The following NARS2 variants were observed in gnomAD, a reference collection of about 807,000 sequenced individuals.
The protein encoded by NARS2 is asparaginyl-tRNA synthetase 2, mitochondrial, also known as asparaginyl-tRNA synthetase.
In NARS2, 60 loss-of-function variants were observed where a neutral mutation model predicts 62.9. The observed-to-expected ratio is 0.95, with a 90% CI of 0.77 to 1.18. NARS2 has a LOEUF of 1.18. Ranked by LOEUF, NARS2 falls within the 50% of genes most tolerant of loss-of-function variation. The pLI is 0.00. For synonymous variants in NARS2, 196 were observed against 200.0 expected, an observed-to-expected ratio of 0.98 and a Z score of 0.17; for missense variants, 619 against 576.4, an observed-to-expected ratio of 1.07 and a Z score of -0.76.
In NARS2 at chr11:78,465,888, G is replaced by T. The variant is rs1858598235; in HGVS notation, c.1152C>A (p.Gly384=). ...TATCTCTTCTTACCGTGTGCTGAGGGCCATCTTCATTATCCCTCATGTAGA... is the reference window on the plus strand; with the variant it reads ...TATCTCTTCTTACCGTGTGCTGAGGTCCATCTTCATTATCCCTCATGTAGA... ...KPFYMRDNED[G]PQHTVAAVDL... Residue 384 remains glycine, a synonymous_variant, in exon 11 of 14, where the codon GGC becomes GGA. Coordinates refer to ENST00000281038, the MANE Select transcript of NARS2 (RefSeq NM_024678.6). The T allele has an allele frequency of 1.2e-6, 2 of 1,614,072 alleles. No homozygotes were observed. The highest frequency in any genetic ancestry group is 1.7e-6 in the Non-Finnish European group (2 of 1,179,986).
chr11:78,455,989 T>TA lies in NARS2; in HGVS notation c.1164+9886dup, dbSNP rs536476676. Among the ~76,000 whole-genome samples, 22 of 152,276 alleles carry TA rather than the reference T, an allele frequency of 1.4e-4. No homozygotes were observed. In the East Asian group the frequency reaches 4.0e-3, roughly 28 times the overall value. Reference sequence around the variant, plus strand: ...GGAACGTCAAAAATTTAATCTTTGTTAATCTTTTCTTCCATTTTCCTCTGT... The same window carrying TA: ...GGAACGTCAAAAATTTAATCTTTGTTAAATCTTTTCTTCCATTTTCCTCTGT... On this transcript the variant is annotated intron_variant, in intron 11 of 13. Transcript: ENST00000281038.
chr11:78,453,330 C>T lies in NARS2; in HGVS notation c.1165-9572G>A, dbSNP rs1331489590. Among the ~76,000 whole-genome samples, 3 of 152,094 alleles carry T rather than the reference C, an allele frequency of 2.0e-5. No individual in the cohort carries two copies. In the East Asian group the frequency reaches 5.8e-4, roughly 29 times the overall value. On this transcript the variant is annotated intron_variant, in intron 11 of 13. Transcript: ENST00000281038. ...TGCTTAAGTCACACAGCTGCAGTGG[C>T]ATGCTGTCTAGAAATAGTTTGTGTT...
intron 5 of NARS2, among the ~76,000 whole-genome samples, chr11:78,535,054 A>G (rs1861622283): frequency 1.3e-5 from 2 of 152,360 alleles, no homozygotes; most frequent in South Asian, 4.1e-4. Flanking sequence ...TTCACATATA[A>G]AAGTATTATA....
In NARS2 at chr11:78,566,201, C is replaced by G; in HGVS notation, c.444G>C (p.Arg148Ser). The change falls in exon 4 of 14, where the codon AGG (arginine) becomes AGC (serine). Residue 148 changes from arginine (R) to serine (S), a missense_variant. Arg to Ser is a moderately radical substitution (Grantham distance 110). Coordinates refer to ENST00000281038, the MANE Select transcript of NARS2 (RefSeq NM_024678.6). ...YLRQYPHFRC[R>S]TNVLGSILRI... ...TCAATATAGAACCCAGAACGTTAGT[C>G]CTACACCTAAAGTGAGGATATTGTC... The G allele has an allele frequency of 1.2e-6, 2 of 1,612,972 alleles. No homozygotes were observed. Among genetic ancestry groups the G allele is most frequent in the Non-Finnish European group, 1.7e-6 (2 of 1,179,246 alleles).
intron 3 of NARS2, 139 bp downstream of exon 3, chr11:78,568,493 C>A: frequency 1.9e-6 from 2 of 1,040,102 alleles, no homozygotes; most frequent in Non-Finnish European, 2.7e-6. Context: ...ACTGCCTCTA[C>A]AGGTCATATG....
chr11:78,521,166 CTTTTTT>C (rs965232875), intron 6 of NARS2, among the ~76,000 whole-genome samples: 1 of 135,370 alleles, frequency 7.4e-6, no homozygotes, highest in Non-Finnish European at 1.6e-5. Context: ...CTCTCTCTTT[CTTTTTT>C]TTTTTTTTAA....
At chr11:78,549,911 G>A (rs1856033762) in intron 5 of NARS2, among the ~76,000 whole-genome samples, 1 of 152,054 alleles carries the variant, frequency 6.6e-6, no homozygotes, top group Non-Finnish European at 1.5e-5. Flanking sequence ...ACCTCCTACA[G>A]GCCCAACAAC....
intron 6 of NARS2, among the ~76,000 whole-genome samples, chr11:78,507,048 A>C (rs114534669): frequency 0.016 from 2,393 of 152,118 alleles, 50 homozygotes; most frequent in African/African-American, 0.052. Flanking sequence ...AGTTGGAGAA[A>C]AAAGGATCCT....
intron 11 of NARS2, among the ~76,000 whole-genome samples, chr11:78,451,859 A>C (rs1250329655): frequency 1.3e-5 from 2 of 152,178 alleles, no homozygotes; most frequent in African/African-American, 4.8e-5. Context: ...AGTACTGCAA[A>C]GGTGACTCTG....
intron 6 of NARS2, 126 bp downstream of exon 6, chr11:78,528,716 T>C (rs139363986): frequency 1.5e-6 from 1 of 654,342 alleles, no homozygotes; most frequent in East Asian, 2.8e-5. Context: ...AGCTTAAATA[T>C]TTTGGAAAAT....
At chr11:78,521,124 T>C (rs58790292) in intron 6 of NARS2, among the ~76,000 whole-genome samples, 5,038 of 150,134 alleles carry the variant, frequency 0.034, 303 homozygotes, top group African/African-American at 0.12. Flanking sequence ...GTAAGATAAA[T>C]TGTCAACATT....
rs59917269 is a variant in NARS2, at chr11:78,538,994, C to CAAAAAAAA, written c.595-10066_595-10059dup. On this transcript the variant is annotated intron_variant, in intron 5 of 13. Coordinates refer to ENST00000281038, the MANE Select transcript of NARS2 (RefSeq NM_024678.6). ...TGGGCGACAGAGCGAGAATCCGTCTCAAAAAAAAAAAAAAAAAAAAAAAAA... is the reference window on the plus strand; with the variant it reads ...TGGGCGACAGAGCGAGAATCCGTCTCAAAAAAAAAAAAAAAAAAAAAAAAAAAAAAAAA... Among the ~76,000 whole-genome samples the CAAAAAAAA allele has an allele frequency of 3.6e-4, 18 of 49,794 alleles. 1 individual carries two copies. Among genetic ancestry groups the CAAAAAAAA allele is most frequent in the South Asian group, 1.8e-3 (1 of 558 alleles). 32.7% of individuals were successfully genotyped at this position (49,794 alleles called of 152,430 possible).
chr11:78,452,805 A>G (rs1404091338), intron 11 of NARS2, among the ~76,000 whole-genome samples: 1 of 152,186 alleles, frequency 6.6e-6, no homozygotes, highest in East Asian at 1.9e-4. Flanking sequence ...TCAATTAACC[A>G]CAGCCAAAAA....
chr11:78,474,523 T>G (rs71471414), intron 9 of NARS2, among the ~76,000 whole-genome samples: 16,175 of 152,226 alleles, frequency 0.11, 1,196 homozygotes, highest in Non-Finnish European at 0.17. Context: ...TGAATCATGG[T>G]TCACTACCCT....
intron 6 of NARS2, among the ~76,000 whole-genome samples, chr11:78,506,620 C>T (rs1290894344): frequency 1.3e-5 from 2 of 152,204 alleles, no homozygotes; most frequent in Non-Finnish European, 2.9e-5. Flanking sequence ...CTGCTACATT[C>T]ACCTCCTGGG....
At chr11:78,525,265 C>A (rs1385187238) in intron 6 of NARS2, among the ~76,000 whole-genome samples, 1 of 151,998 alleles carries the variant, frequency 6.6e-6, no homozygotes, top group Non-Finnish European at 1.5e-5. Flanking sequence ...GGAGTGAATG[C>A]TCGTAAAAGC....
At chr11:78,542,818 G>C (rs907869491) in intron 5 of NARS2, among the ~76,000 whole-genome samples, 2 of 151,856 alleles carry the variant, frequency 1.3e-5, no homozygotes, top group Admixed American at 1.3e-4. Flanking sequence ...TGGATCACTT[G>C]AGCTCAGGAG....
At chr11:78,540,429 C>T (rs956189903) in intron 5 of NARS2, among the ~76,000 whole-genome samples, 3 of 152,192 alleles carry the variant, frequency 2.0e-5, no homozygotes, top group Non-Finnish European at 4.4e-5. Context: ...TAGCAAGGAG[C>T]GAGAGTAAAT....
At chr11:78,544,483 T>G (rs138911270) in intron 5 of NARS2, among the ~76,000 whole-genome samples, 128 of 152,294 alleles carry the variant, frequency 8.4e-4, no homozygotes, top group African/African-American at 2.7e-3. Flanking sequence ...AATACTTTCA[T>G]GCGGAACTCT....
Sources: gnomAD v4.1 joint callset for allele counts (sites outside exome capture counted in the v4.1 genomes callset) on GRCh38, gnomAD v4.1.1 for gene constraint, MANE v1.5 for transcripts, NCBI Gene and HGNC (gene_info 2026-07-23, HGNC 2026-07-21) for gene names.